Variants in EBF2 observed in about 807,000 individuals in gnomAD.
The protein encoded by EBF2 is EBF transcription factor 2, also known as transcription factor COE2.
Under a neutral mutation model 72.8 loss-of-function variants are expected in EBF2, and 21 were observed. That is an observed-to-expected ratio of 0.29 (90% CI 0.20 to 0.42). The LOEUF (loss-of-function observed/expected upper bound fraction) is 0.42. Ranked by LOEUF, EBF2 falls within the 10% of genes least tolerant of loss-of-function variation. The pLI, the probability that EBF2 is intolerant of heterozygous loss-of-function variation, is 1.00. For synonymous variants in EBF2, 299 were observed against 274.2 expected (o/e 1.09, Z -0.89); for missense variants, 637 against 731.2 (o/e 0.87, Z 1.49).
intron 6 of EBF2, among the ~76,000 whole-genome samples, chr8:25,971,741 T>C (rs1804193150): frequency 6.6e-6 from 1 of 152,220 alleles, no homozygotes; most frequent in Admixed American, 6.5e-5. Flanking sequence ...GTGTTTTTTT[T>C]TCCTCGAGCT....
rs568484844 is a variant in EBF2, at chr8:26,033,387, G to A, written c.483-234C>T. Among the ~76,000 whole-genome samples, 162 of 152,226 alleles carry A rather than the reference G, an allele frequency of 1.1e-3. 1 individual carries two copies. Among genetic ancestry groups the A allele is most frequent in the Non-Finnish European group, 6.9e-4 (47 of 68,018 alleles). On this transcript the variant is annotated intron_variant, in intron 5 of 15. Transcript: ENST00000520164. ...TGGGACTACAGGTGTGTGCCACCGC[G>A]CCCAGCTAATTTCTGTATTTTTACT...
intron 6 of EBF2, among the ~76,000 whole-genome samples, chr8:25,956,008 T>A (rs563919772): frequency 1.3e-5 from 2 of 152,084 alleles, no homozygotes; most frequent in South Asian, 4.1e-4. Context: ...CTTTATTTTT[T>A]AAAAAAAGGA....
chr8:25,870,961 A>T (rs946242737), intron 10 of EBF2, among the ~76,000 whole-genome samples: 5 of 152,148 alleles, frequency 3.3e-5, no homozygotes, highest in Admixed American at 2.6e-4. Flanking sequence ...ACAGAATTTC[A>T]TTTAATCAAG....
At position 25,873,423 on chromosome 8, in the gene EBF2, G is replaced by A. The variant is rs1165905663; in HGVS notation, c.1010-10626C>T. ...GCTGAAGTCAAGGCTGTTGAATTAA[G>A]TTGTCTTTAACCTTGGCTACATTGA... is the stretch of plus-strand genomic sequence containing the variant. On this transcript the variant is annotated intron_variant, in intron 10 of 15. Transcript: ENST00000520164. Among the ~76,000 whole-genome samples the A allele has an allele frequency of 3.3e-5, 5 of 152,302 alleles. No homozygotes were observed. In the East Asian group the frequency reaches 9.6e-4, roughly 29 times the overall value.
intron 6 of EBF2, among the ~76,000 whole-genome samples, chr8:26,016,795 A>C (rs1000061118): frequency 6.6e-6 from 1 of 152,168 alleles, no homozygotes; most frequent in Non-Finnish European, 1.5e-5. Flanking sequence ...CTGTCTCCTG[A>C]GTAATAAAGT....
Position 25,867,718 on chromosome 8 carries a change from T to C in EBF2, c.1010-4921A>G, listed in dbSNP as rs140852132. Reference sequence around the variant, plus strand: ...CTAGATACCTGGCCTGAGATTCAGCTTTAAATATCCAACTGTTGGCTAGAA... The same window carrying C: ...CTAGATACCTGGCCTGAGATTCAGCCTTAAATATCCAACTGTTGGCTAGAA... On this transcript the variant is annotated intron_variant, in intron 10 of 15. Coordinates refer to ENST00000520164, the MANE Select transcript of EBF2 (RefSeq NM_022659.4). Among the ~76,000 whole-genome samples the C allele has an allele frequency of 5.1e-3, 773 of 152,318 alleles. 12 individuals carry two copies. The highest frequency in any genetic ancestry group is 4.7e-3 in the Non-Finnish European group (323 of 68,038).
chr8:26,004,123 A>AT (rs1804788249), intron 6 of EBF2, among the ~76,000 whole-genome samples: 1 of 151,754 alleles, frequency 6.6e-6, no homozygotes, highest in African/African-American at 2.4e-5. Context: ...AAAAGAAAAA[A>AT]AAAAAGGATT....
chr8:26,032,974 G>T, intron 6 of EBF2, 111 bp downstream of exon 6: 1 of 1,038,330 alleles, frequency 9.6e-7, no homozygotes, highest in Non-Finnish European at 1.5e-6. Flanking sequence ...TTAGTGACTT[G>T]AAATAACATG....
chr8:25,899,163 G>C (rs1388685220), intron 7 of EBF2, among the ~76,000 whole-genome samples: 2 of 151,878 alleles, frequency 1.3e-5, no homozygotes, highest in Admixed American at 6.6e-5. Flanking sequence ...GCAGAGAAAA[G>C]CCTGAAGTCA....
intron 6 of EBF2, among the ~76,000 whole-genome samples, chr8:25,964,565 G>A (rs1804085208): frequency 6.6e-6 from 1 of 152,200 alleles, no homozygotes; most frequent in Admixed American, 6.5e-5. Flanking sequence ...TCTAGAGACA[G>A]TTCCATGTTT....
intron 6 of EBF2, among the ~76,000 whole-genome samples, chr8:25,953,164 C>A (rs1433156713): frequency 6.6e-6 from 1 of 152,214 alleles, no homozygotes; most frequent in Non-Finnish European, 1.5e-5. Context: ...TCTGCATACA[C>A]CACTGTGGCA....
At chr8:26,014,772 A>T (rs778631806) in intron 6 of EBF2, among the ~76,000 whole-genome samples, 1 of 152,194 alleles carries the variant, frequency 6.6e-6, no homozygotes, top group Non-Finnish European at 1.5e-5. Flanking sequence ...ATAGGTTGAC[A>T]TATTTCCCTG....
intron 6 of EBF2, among the ~76,000 whole-genome samples, chr8:26,012,470 T>C (rs1485845535): frequency 6.6e-6 from 1 of 152,138 alleles, no homozygotes; most frequent in Admixed American, 6.5e-5. Context: ...CATACTAAAT[T>C]TATTTCTCTA....
At chr8:25,925,043 A>C (rs1803363994) in intron 6 of EBF2, among the ~76,000 whole-genome samples, 1 of 152,046 alleles carries the variant, frequency 6.6e-6, no homozygotes, top group Non-Finnish European at 1.5e-5. Flanking sequence ...TCTTAACAGG[A>C]GTTTCAAAAG....
At chr8:26,002,885 GGCGGGCA>G (rs1804760279) in intron 6 of EBF2, among the ~76,000 whole-genome samples, 10 of 82,662 alleles carry the variant, frequency 1.2e-4, no homozygotes, top group Admixed American at 2.2e-4. Flanking sequence ...CAGGCGGGCA[GGCGGGCA>G]GGCAGGCGGG....
At chr8:25,939,834 T>C (rs1237191542) in intron 6 of EBF2, among the ~76,000 whole-genome samples, 1 of 152,126 alleles carries the variant, frequency 6.6e-6, no homozygotes, top group Non-Finnish European at 1.5e-5. Flanking sequence ...AGAACAGAAA[T>C]GAGGGCCAGT....
chr8:25,995,693 G>A (rs1328699643), intron 6 of EBF2, among the ~76,000 whole-genome samples: 3 of 151,904 alleles, frequency 2.0e-5, no homozygotes, highest in African/African-American at 7.3e-5. Context: ...TATGTAAAAA[G>A]ATGTATAAGG....
chr8:25,994,011 T>C (rs750292053), intron 6 of EBF2, among the ~76,000 whole-genome samples: 12 of 152,146 alleles, frequency 7.9e-5, no homozygotes, highest in East Asian at 1.9e-4. Flanking sequence ...TCAGAAAACA[T>C]AGGACCTATA....
In EBF2 at chr8:25,858,327, G is replaced by C; in HGVS notation, c.1520C>G (p.Pro507Arg). 6.2e-7 allele frequency: 1 copy of C among 1,614,156 alleles called. No homozygotes were observed. The highest frequency in any genetic ancestry group is 8.5e-7 in the Non-Finnish European group (1 of 1,179,998). The stretch of plus-strand genomic sequence containing the variant: ...ATGGAGAGGTCACTTACTTCCATAA[G>C]GAGAGCCGGTGGGTGAGCCATTTAG... ...GFLNGSPTGS[P>R]YGIMSSSPTV... is the part of the protein sequence containing the mutation. The change falls in exon 14 of 16, where the codon CCT becomes CGT. Residue 507 changes from proline to arginine, a missense_variant. By Grantham distance (103) the Pro-to-Arg change is moderately radical. Around this residue, in one of 3 missense-constraint regions of EBF2, gnomAD observed 259 missense variants for 268.1 expected, o/e 0.97. Transcript: ENST00000520164.
Sources: gnomAD v4.1 joint callset for allele counts (sites outside exome capture counted in the v4.1 genomes callset) on GRCh38, gnomAD v4.1.1 for gene constraint, gnomAD v4.1.1 regional missense constraint, MANE v1.5 for transcripts, NCBI Gene and HGNC (gene_info 2026-07-23, HGNC 2026-07-21) for gene names.